Variants in CHN1 observed in about 807,000 individuals in gnomAD.
The protein encoded by CHN1 is chimerin 1, also known as N-chimaerin.
In CHN1, 37 loss-of-function variants were observed where a neutral mutation model predicts 59.5. The observed-to-expected ratio is 0.62, with a 90% CI of 0.48 to 0.82. The LOEUF (loss-of-function observed/expected upper bound fraction) is 0.82. Ranked by LOEUF, CHN1 falls within the 40% of genes least tolerant of loss-of-function variation. CHN1 has a pLI of 0.00. For missense variants in CHN1, 469 were observed against 571.0 expected (o/e 0.82, Z 1.82); for synonymous variants, 206 against 200.4 (o/e 1.03, Z -0.24).
At chr2:174,883,965 CTTTTTTT>C (rs141023955) in intron 5 of CHN1, among the ~76,000 whole-genome samples, 4 of 121,510 alleles carry the variant, frequency 3.3e-5, no homozygotes, top group Admixed American at 8.3e-5. Context: ...AGTCTAACTT[CTTTTTTT>C]TTTTTTTTTT....
chr2:174,837,985 T>C (rs1266743296), intron 7 of CHN1, among the ~76,000 whole-genome samples: 1 of 152,258 alleles, frequency 6.6e-6, no homozygotes, highest in Non-Finnish European at 1.5e-5. Context: ...TACTGAGATA[T>C]GGAGTACTTG....
At chr2:174,901,802 C>T (rs749916638) in intron 5 of CHN1, among the ~76,000 whole-genome samples, 23 of 152,008 alleles carry the variant, frequency 1.5e-4, no homozygotes, top group Non-Finnish European at 2.8e-4. Flanking sequence ...ATATAGTACA[C>T]GTGGTAATAA....
At chr2:174,924,305 A>G (rs1689105414) in intron 3 of CHN1, among the ~76,000 whole-genome samples, 1 of 152,184 alleles carries the variant, frequency 6.6e-6, no homozygotes, top group Admixed American at 6.5e-5. Flanking sequence ...AAATCTTACT[A>G]AAAATTCTTA....
intron 5 of CHN1, among the ~76,000 whole-genome samples, chr2:174,901,140 G>C (rs1368558053): frequency 6.6e-6 from 1 of 152,146 alleles, no homozygotes; most frequent in Non-Finnish European, 1.5e-5. Context: ...GGAAATTCAA[G>C]CTTGGGTTAT....
intron 1 of CHN1, among the ~76,000 whole-genome samples, chr2:174,966,998 C>T (rs1381359552): frequency 2.0e-5 from 3 of 152,058 alleles, no homozygotes; most frequent in Non-Finnish European, 4.4e-5. Context: ...AAATAGAATG[C>T]GCAAAACTCG....
intron 3 of CHN1, among the ~76,000 whole-genome samples, chr2:174,926,880 C>T (rs1450796208): frequency 6.6e-6 from 1 of 151,984 alleles, no homozygotes; most frequent in African/African-American, 2.4e-5. Flanking sequence ...GCCTCAGCCT[C>T]CCGAGTAGCT....
chr2:174,818,013 T>C (rs1314293770), intron 8 of CHN1, among the ~76,000 whole-genome samples: 1 of 152,188 alleles, frequency 6.6e-6, no homozygotes, highest in African/African-American at 2.4e-5. Context: ...CCTCAGATGG[T>C]CCACCTGTCT....
intron 7 of CHN1, among the ~76,000 whole-genome samples, chr2:174,840,445 C>T (rs1686258600): frequency 2.0e-5 from 3 of 152,124 alleles, no homozygotes; most frequent in Admixed American, 2.0e-4. Flanking sequence ...GGATTACAGG[C>T]ATGAGCCACT....
chr2:174,838,654 T>A (rs1031555106), intron 7 of CHN1, among the ~76,000 whole-genome samples: 1 of 152,004 alleles, frequency 6.6e-6, no homozygotes, highest in African/African-American at 2.4e-5. Flanking sequence ...TACCAACATG[T>A]CTCAAACGGG....
At chr2:174,902,653 T>A (rs564424108) in intron 5 of CHN1, among the ~76,000 whole-genome samples, 1 of 152,308 alleles carries the variant, frequency 6.6e-6, no homozygotes, top group South Asian at 2.1e-4. Flanking sequence ...GGAAATGGAA[T>A]GAAACCATGG....
intron 3 of CHN1, among the ~76,000 whole-genome samples, chr2:174,921,273 G>A (rs563186258): frequency 6.6e-6 from 1 of 152,200 alleles, no homozygotes; most frequent in South Asian, 2.1e-4. Flanking sequence ...TTTTGGTACT[G>A]CCTAAGTTGT....
At chr2:174,993,124 C>A (rs891916695) in intron 1 of CHN1, among the ~76,000 whole-genome samples, 22 of 151,496 alleles carry the variant, frequency 1.5e-4, no homozygotes, top group Admixed American at 1.2e-3. Flanking sequence ...TTCCTCAACC[C>A]CCTACCCTTG....
chr2:174,801,680 G>A lies in CHN1; in HGVS notation c.1208+27C>T, dbSNP rs373482972. On this transcript the variant is annotated intron_variant, in intron 12 of 12. Transcript: ENST00000409900. ...TCCTTAAAATTTGGATGCAATACAA[G>A]TGTAAGACTCAAAGTCTATAGCTTG... The A allele has an allele frequency of 2.0e-4, 308 of 1,539,286 alleles. 1 individual carries two copies. Among genetic ancestry groups the A allele is most frequent in the Non-Finnish European group, 2.6e-4 (295 of 1,115,392 alleles).
intron 1 of CHN1, among the ~76,000 whole-genome samples, chr2:174,956,126 A>G (rs771233884): frequency 6.6e-6 from 1 of 152,246 alleles, no homozygotes; most frequent in Non-Finnish European, 1.5e-5. Context: ...TTGGAGAATA[A>G]TGATAAGAAT....
chr2:174,830,881 C>T (rs1574066034), intron 7 of CHN1, among the ~76,000 whole-genome samples: 1 of 152,072 alleles, frequency 6.6e-6, no homozygotes, highest in African/African-American at 2.4e-5. Context: ...ACGGAAGCAC[C>T]GCTTCAAAGA....
chr2:174,837,988 A>G (rs1255370989), intron 7 of CHN1, among the ~76,000 whole-genome samples: 2 of 152,248 alleles, frequency 1.3e-5, no homozygotes, highest in Admixed American at 6.5e-5. Flanking sequence ...TGAGATATGG[A>G]GTACTTGACA....
chr2:174,884,250 C>T (rs1558966464), intron 5 of CHN1, among the ~76,000 whole-genome samples: 1 of 151,756 alleles, frequency 6.6e-6, no homozygotes, highest in Non-Finnish European at 1.5e-5. Context: ...GGATTACAGG[C>T]GTGAGCCACC....
chr2:174,974,896 A>ACACACACACAC lies in CHN1; in HGVS notation c.20-22695_20-22694insGTGTGTGTGTG, dbSNP rs1559005611. ...TGCAAACAGGCCATAAGAAATAATT[A>ACACACACACAC]ATACACACACACACACACACACACA... is the stretch of plus-strand genomic sequence containing the variant. On this transcript the variant is annotated intron_variant, in intron 1 of 12. Transcript: ENST00000409900. Among the ~76,000 whole-genome samples the ACACACACACAC allele has an allele frequency of 2.9e-3, 298 of 101,028 alleles. 2 individuals carry two copies. The highest frequency in any genetic ancestry group is 3.8e-3 in the Admixed American group (44 of 11,658). 66.3% of individuals were successfully genotyped at this position (101,028 alleles called of 152,430 possible). A position where few individuals can be genotyped will look rare whatever the true frequency, so the allele number is the denominator to read the frequency against.
chr2:174,964,436 A>C (rs1574220793), intron 1 of CHN1, among the ~76,000 whole-genome samples: 1 of 152,270 alleles, frequency 6.6e-6, no homozygotes, highest in Non-Finnish European at 1.5e-5. Flanking sequence ...TAAGTAAACT[A>C]TCTGTAAGAT....
Sources: allele counts gnomAD v4.1 joint callset (sites outside exome capture counted in the v4.1 genomes callset), GRCh38; gene constraint gnomAD v4.1.1; transcripts MANE v1.5; gene names NCBI Gene and HGNC (gene_info 2026-07-23, HGNC 2026-07-21).